The following SENP1 variants were observed in gnomAD, a reference collection of about 807,000 sequenced individuals.
SENP1 encodes sentrin-specific protease 1.
Under a neutral mutation model 93.0 loss-of-function variants are expected in SENP1, and 21 were observed. The observed-to-expected ratio is 0.23, with a 90% CI of 0.16 to 0.33. SENP1 has a LOEUF of 0.33. Among genes scored for constraint, SENP1 ranks in the 10% least tolerant of loss-of-function variants. The pLI is 1.00. For missense variants in SENP1, 591 were observed against 758.7 expected (o/e 0.78, Z 2.60); for synonymous variants, 256 against 259.6 (o/e 0.99, Z 0.13).
intron 6 of SENP1, among the ~76,000 whole-genome samples, chr12:48,076,965 T>C (rs970265436): frequency 5.3e-5 from 8 of 152,184 alleles, no homozygotes; most frequent in African/African-American, 1.7e-4. Context: ...AGTTTAACAC[T>C]TGGTCTCCTT....
At chr12:48,070,526 G>A (rs913888689) in intron 9 of SENP1, among the ~76,000 whole-genome samples, 7 of 152,244 alleles carry the variant, frequency 4.6e-5, no homozygotes, top group African/African-American at 1.4e-4. Flanking sequence ...CAAGCTCCTT[G>A]AGAATAGGGA....
chr12:48,043,106 G>C lies in SENP1; in HGVS notation c.*2216C>G, dbSNP rs1941101821. 1 of 152,468 alleles carries C rather than the reference G, an allele frequency of 6.6e-6. No individual in the cohort carries two copies. Among genetic ancestry groups the C allele is most frequent in the Non-Finnish European group, 1.5e-5 (1 of 68,020 alleles). 9.4% of individuals were successfully genotyped at this position (152,468 alleles called of 1,614,324 possible). On this transcript the variant is annotated 3_prime_UTR_variant, in exon 18 of 18. Coordinates refer to ENST00000549518, the MANE Select transcript of SENP1 (RefSeq NM_001267594.2). ...GGTCCACTGTGTAAGTCTGTATTTGGACCAGGTCCAGGGTGGTAAGATGGT... is the reference window on the plus strand; with the variant it reads ...GGTCCACTGTGTAAGTCTGTATTTGCACCAGGTCCAGGGTGGTAAGATGGT...
chr12:48,099,345 A>G (rs1006902615), intron 2 of SENP1, among the ~76,000 whole-genome samples: 10 of 151,646 alleles, frequency 6.6e-5, no homozygotes, highest in African/African-American at 2.4e-4. Context: ...AACAACAACA[A>G]CAACAAAGAA....
intron 1 of SENP1, among the ~76,000 whole-genome samples, chr12:48,103,665 T>A (rs571519540): frequency 3.3e-5 from 2 of 59,912 alleles, no homozygotes; most frequent in South Asian, 7.4e-4. Context: ...TAAAAATGTT[T>A]TCTTTTTAAA....
chr12:48,087,049 AAAAACAAAACAAAACAAAAC>A (rs541113962), intron 5 of SENP1, among the ~76,000 whole-genome samples: 1 of 151,952 alleles, frequency 6.6e-6, no homozygotes, highest in Non-Finnish European at 1.5e-5. Flanking sequence ...AACAAAACAA[AAAAACAAAACAAAACAAAAC>A]AAAACAAAAC....
chr12:48,091,375 G>A lies in SENP1; in HGVS notation c.221-2415C>T, dbSNP rs12303151. Among the ~76,000 whole-genome samples the A allele has an allele frequency of 8.0e-3, 1,216 of 152,012 alleles. 28 individuals carry two copies. Among genetic ancestry groups the A allele is most frequent in the African/African-American group, 0.028 (1,153 of 41,440 alleles). On this transcript the variant is annotated intron_variant, in intron 4 of 17. Coordinates refer to ENST00000549518, the MANE Select transcript of SENP1 (RefSeq NM_001267594.2). ...TGAGGCATAAGAATCACTTGAACCC[G>A]GGAGGCAGAGGTTGCTGTGAGCCAA...
At chr12:48,068,215 C>A (rs1943433059) in intron 9 of SENP1, among the ~76,000 whole-genome samples, 1 of 152,054 alleles carries the variant, frequency 6.6e-6, no homozygotes, top group African/African-American at 2.4e-5. Context: ...TAGGGACAAG[C>A]AGTTTTCTTC....
At chr12:48,094,004 T>C (rs929558230) in intron 4 of SENP1, among the ~76,000 whole-genome samples, 2 of 152,120 alleles carry the variant, frequency 1.3e-5, no homozygotes, top group Non-Finnish European at 2.9e-5. Flanking sequence ...AAAGATTACA[T>C]GTGTCAAATC....
chr12:48,046,229 T>G, intron 17 of SENP1, 127 bp downstream of exon 17: 31 of 637,256 alleles, frequency 4.9e-5, no homozygotes, highest in Non-Finnish European at 2.8e-6. Flanking sequence ...GTGTTATGAA[T>G]CATGGGCTGA....
rs190586705 is a variant in SENP1, at chr12:48,104,645, G to T, written c.-45+1383C>A. Reference sequence around the variant, plus strand: ...GCTCACTGTCCAGTAGGGAAAGCCAGATCCATAAACAGGTACCGCAAGACA... The same window carrying T: ...GCTCACTGTCCAGTAGGGAAAGCCATATCCATAAACAGGTACCGCAAGACA... On this transcript the variant is annotated intron_variant, in intron 1 of 17. Transcript: ENST00000549518. 2.2e-3 allele frequency among the ~76,000 whole-genome samples: 328 copies of T among 152,286 alleles called. 1 individual carries two copies. The highest frequency in any genetic ancestry group is 3.8e-3 in the Non-Finnish European group (259 of 68,018).
chr12:48,068,751 T>C (rs1344060168), intron 9 of SENP1, among the ~76,000 whole-genome samples: 1 of 151,816 alleles, frequency 6.6e-6, no homozygotes, highest in Non-Finnish European at 1.5e-5. Flanking sequence ...GATACAAAAG[T>C]ATTAGTAACA....
chr12:48,055,157 C>A, intron 13 of SENP1: 1 of 255,766 alleles, frequency 3.9e-6, no homozygotes, highest in South Asian at 6.5e-5. Flanking sequence ...CCACATTTGC[C>A]ACAGGTTGAC....
intron 5 of SENP1, chr12:48,085,389 A>T: frequency 1.6e-6 from 2 of 1,287,242 alleles, no homozygotes; most frequent in Non-Finnish European, 2.2e-6. Flanking sequence ...GCGGAGGGCC[A>T]GGGGCATGTT....
intron 6 of SENP1, among the ~76,000 whole-genome samples, chr12:48,078,311 A>T: frequency 7.6e-6 from 1 of 130,966 alleles, no homozygotes; most frequent in East Asian, 2.4e-4. Context: ...TGGAGTCTGT[A>T]GGATTTTATA....
intron 6 of SENP1, among the ~76,000 whole-genome samples, chr12:48,082,046 C>A (rs564151071): frequency 6.6e-6 from 1 of 151,942 alleles, no homozygotes; most frequent in Non-Finnish European, 1.5e-5. Flanking sequence ...CCCGCCACCA[C>A]GCCTGGCTAA....
chr12:48,098,009 C>A lies in SENP1; in HGVS notation c.120G>T (p.Ser40=), dbSNP rs751030434. The change falls in exon 3 of 18, where the codon TCG becomes TCT. Residue 40 remains serine, a synonymous_variant. Coordinates refer to ENST00000549518, the MANE Select transcript of SENP1 (RefSeq NM_001267594.2). ...PQTGFPEDQL[S]LSDQQILSSR... is the part of the protein sequence containing the mutation. Reference sequence around the variant, plus strand: ...TGCTCCTAACCTGCTGGTCAGAAAGCGAAAGCTGGTCCTCTGGAAAACCTG... The same window carrying A: ...TGCTCCTAACCTGCTGGTCAGAAAGAGAAAGCTGGTCCTCTGGAAAACCTG... 6.2e-7 allele frequency: 1 copy of A among 1,613,454 alleles called. No individual in the cohort carries two copies. Among genetic ancestry groups the A allele is most frequent in the Non-Finnish European group, 8.5e-7 (1 of 1,179,658 alleles).
At chr12:48,070,418 G>A (rs188015958) in intron 9 of SENP1, among the ~76,000 whole-genome samples, 73 of 152,092 alleles carry the variant, frequency 4.8e-4, no homozygotes, top group African/African-American at 1.8e-3. Context: ...CTTATCACAA[G>A]GCATATACAT....
At chr12:48,059,124 C>A (rs562661209) in intron 13 of SENP1, among the ~76,000 whole-genome samples, 1 of 152,274 alleles carries the variant, frequency 6.6e-6, no homozygotes, top group South Asian at 2.1e-4. Flanking sequence ...TGGATAACTT[C>A]TCAAACTTGT....
intron 1 of SENP1, among the ~76,000 whole-genome samples, chr12:48,102,981 T>A (rs556341453): frequency 6.6e-6 from 1 of 152,320 alleles, no homozygotes; most frequent in Non-Finnish European, 1.5e-5. Context: ...TAAAAATTCT[T>A]CAGGTTATTC....
Sources: allele counts gnomAD v4.1 joint callset (sites outside exome capture counted in the v4.1 genomes callset), GRCh38; gene constraint gnomAD v4.1.1; transcripts MANE v1.5; gene names NCBI Gene and HGNC (gene_info 2026-07-23, HGNC 2026-07-21).